The following SOX6 variants were observed in gnomAD, a reference collection of about 807,000 sequenced individuals.
The protein encoded by SOX6 is transcription factor SOX-6.
SOX6 carries 11 observed loss-of-function variants against 97.8 expected under a neutral mutation model. The ratio of observed to expected loss-of-function variants is 0.11; its 90% confidence interval spans 0.07 to 0.19. The LOEUF (loss-of-function observed/expected upper bound fraction) is 0.19. Among genes scored for constraint, SOX6 ranks in the 10% least tolerant of loss-of-function variants. The pLI, the probability that SOX6 is intolerant of heterozygous loss-of-function variation, is 1.00. For synonymous variants in SOX6, 360 were observed against 371.4 expected (o/e 0.97, Z 0.35); for missense variants, 810 against 1,039.5 (o/e 0.78, Z 3.04).
chr11:16,246,618 G>A (rs1431931929), intron 3 of SOX6, among the ~76,000 whole-genome samples: 1 of 151,802 alleles, frequency 6.6e-6, no homozygotes, highest in Non-Finnish European at 1.5e-5. Context: ...TTGCTCCACT[G>A]TATATAACAT....
At chr11:16,380,701 T>C (rs1171149020) in intron 1 of SOX6, among the ~76,000 whole-genome samples, 2 of 152,126 alleles carry the variant, frequency 1.3e-5, no homozygotes, top group African/African-American at 2.4e-5. Flanking sequence ...ACCACTTACA[T>C]GTCAACTATA....
chr11:16,617,915 A>T (rs898773979), intron 3 of SOX6, among the ~76,000 whole-genome samples: 24 of 151,932 alleles, frequency 1.6e-4, no homozygotes, highest in Admixed American at 3.9e-4. Flanking sequence ...TAATTATTAA[A>T]TTATGGATGC....
Position 16,610,837 on chromosome 11 carries a change from T to C in SOX6, n.609+1244A>G, listed in dbSNP as rs927107895. Among the ~76,000 whole-genome samples the C allele has an allele frequency of 1.3e-5, 2 of 152,166 alleles. No individual in the cohort carries two copies. The highest frequency in any genetic ancestry group is 2.9e-5 in the Non-Finnish European group (2 of 68,028). ...CCTGCTAAAGTAAAGTGCTGGGCTC[T>C]CCACCTACCTGGTGCGCACCGGCCT... On this transcript the variant is annotated intron_variant and non_coding_transcript_variant, in intron 4 of 5. Coordinates refer to the SOX6 transcript ENST00000524520. The surrounding 1 kb of genome is among the most constrained non-coding windows in gnomAD (Gnocchi z 4.4).
intron 3 of SOX6, among the ~76,000 whole-genome samples, chr11:16,647,895 T>C (rs995506613): frequency 6.6e-6 from 1 of 152,162 alleles, no homozygotes; most frequent in African/African-American, 2.4e-5. Context: ...TCCCTGACTA[T>C]ATCTTACAGG....
intron 2 of SOX6, among the ~76,000 whole-genome samples, chr11:16,319,646 T>C (rs1325303684): frequency 6.6e-6 from 1 of 152,050 alleles, no homozygotes; most frequent in Non-Finnish European, 1.5e-5. Context: ...TCCAGCTTCA[T>C]CCATGTCCCT....
At chr11:16,570,722 C>A (rs1035244713) in intron 4 of SOX6, among the ~76,000 whole-genome samples, 6 of 152,164 alleles carry the variant, frequency 3.9e-5, no homozygotes, top group African/African-American at 1.4e-4. Flanking sequence ...AAAAGATCAA[C>A]ATTCTTTAGT....
chr11:16,466,895 C>T (rs1203381818), intron 1 of SOX6, among the ~76,000 whole-genome samples: 5 of 127,932 alleles, frequency 3.9e-5, no homozygotes, highest in Admixed American at 3.4e-4. Flanking sequence ...CCCGCCACTG[C>T]ACTCCAGCCT....
chr11:16,493,377 G>C lies in SOX6; in HGVS notation n.610-16989C>G, dbSNP rs1215801708. ...ATTTATATAAAGTAAAGAACAGACA[G>C]ATCCAACAGTGTGTTGTATAAGCAT... On this transcript the variant is annotated intron_variant and non_coding_transcript_variant, in intron 4 of 5. Transcript: ENST00000524520. 6.6e-5 allele frequency among the ~76,000 whole-genome samples: 10 copies of C among 152,266 alleles called. No individual in the cohort carries two copies. In the South Asian group the frequency reaches 1.0e-3, roughly 16 times the overall value.
chr11:16,001,698 T>A (rs1854412675), intron 13 of SOX6, among the ~76,000 whole-genome samples: 1 of 152,210 alleles, frequency 6.6e-6, no homozygotes, highest in Admixed American at 6.5e-5. Context: ...CTAATTGTTC[T>A]CTGAAATACT....
intron 1 of SOX6, among the ~76,000 whole-genome samples, chr11:16,379,319 C>T (rs1486396340): frequency 1.3e-5 from 2 of 151,376 alleles, no homozygotes; most frequent in African/African-American, 2.4e-5. Context: ...AGACAAAATC[C>T]ACCGGGCATG....
At chr11:16,103,203 G>C (rs893942221) in intron 7 of SOX6, among the ~76,000 whole-genome samples, 5 of 151,712 alleles carry the variant, frequency 3.3e-5, no homozygotes, top group African/African-American at 1.2e-4. Flanking sequence ...CCATTAAAAA[G>C]TGGGCAAAGG....
chr11:16,111,770 T>C, intron 7 of SOX6, 33 bp downstream of exon 7: 1 of 1,612,338 alleles, frequency 6.2e-7, no homozygotes. Flanking sequence ...ATCTGAGCAT[T>C]TGGAAAAGAA....
chr11:16,473,633 C>A (rs1448402328), intron 1 of SOX6, among the ~76,000 whole-genome samples: 2 of 150,678 alleles, frequency 1.3e-5, no homozygotes, highest in East Asian at 3.9e-4. Flanking sequence ...CTCACTGCAA[C>A]CTCCGCCTCC....
intron 3 of SOX6, among the ~76,000 whole-genome samples, chr11:16,658,102 T>C (rs566459321): frequency 2.0e-5 from 3 of 152,344 alleles, no homozygotes; most frequent in Admixed American, 6.5e-5. Flanking sequence ...CTATACAATG[T>C]ACTTTCTCAT....
At chr11:15,975,404 A>C (rs1853445059) in intron 15 of SOX6, among the ~76,000 whole-genome samples, 1 of 152,176 alleles carries the variant, frequency 6.6e-6, no homozygotes, top group Non-Finnish European at 1.5e-5. Flanking sequence ...CTTTTACTGC[A>C]ATGTTAACCC....
chr11:15,978,915 CATTATAT>C (rs1339171792), intron 15 of SOX6, among the ~76,000 whole-genome samples: 17 of 129,654 alleles, frequency 1.3e-4, no homozygotes, highest in African/African-American at 2.8e-4. Context: ...TATATATAAG[CATTATAT>C]ATTATATATT....
At chr11:16,125,503 G>T (rs1399964357) in intron 6 of SOX6, among the ~76,000 whole-genome samples, 4 of 152,044 alleles carry the variant, frequency 2.6e-5, no homozygotes, top group Non-Finnish European at 5.9e-5. Context: ...CAGTTAGGGG[G>T]AGTTGAGACT....
chr11:16,260,157 A>C (rs1853837827), intron 3 of SOX6, among the ~76,000 whole-genome samples: 1 of 151,582 alleles, frequency 6.6e-6, no homozygotes, highest in South Asian at 2.1e-4. Flanking sequence ...CTGCCACCAC[A>C]CTTGGCTAAT....
chr11:16,516,011 G>C (rs1345392682), intron 4 of SOX6, among the ~76,000 whole-genome samples: 1 of 151,948 alleles, frequency 6.6e-6, no homozygotes, highest in Non-Finnish European at 1.5e-5. Flanking sequence ...TTTTGGCTTT[G>C]GATTGACTTG....
Sources: gnomAD v4.1 joint callset for allele counts (sites outside exome capture counted in the v4.1 genomes callset) on GRCh38, gnomAD v4.1.1 for gene constraint, Gnocchi (gnomAD v3.1) non-coding constraint, MANE v1.5 for transcripts, NCBI Gene and HGNC (gene_info 2026-07-23, HGNC 2026-07-21) for gene names.